VEPH1: variants seen among roughly 807,000 people sequenced by gnomAD.
The protein encoded by VEPH1 is ventricular zone expressed PH domain containing 1.
Under a neutral mutation model 85.2 loss-of-function variants are expected in VEPH1, and 80 were observed. The observed-to-expected ratio is 0.94, with a 90% CI of 0.78 to 1.13. The LOEUF (loss-of-function observed/expected upper bound fraction) is 1.13. Among genes scored for constraint, VEPH1 ranks in the 50% most tolerant of loss-of-function variants. The probability of loss-of-function intolerance (pLI) is 0.00; values close to 1 mark genes in which losing one functional copy is unlikely to be tolerated. For missense variants in VEPH1, 955 were observed against 980.5 expected (o/e 0.97, Z 0.35); for synonymous variants, 297 against 348.0 (o/e 0.85, Z 1.63).
At chr3:157,429,439 A>G (rs1389193062) in intron 4 of VEPH1, among the ~76,000 whole-genome samples, 2 of 152,240 alleles carry the variant, frequency 1.3e-5, no homozygotes, top group African/African-American at 2.4e-5. Flanking sequence ...CATTAAAGAA[A>G]GAAGGCCAGA....
chr3:157,304,831 T>C (rs1200287781), intron 11 of VEPH1, among the ~76,000 whole-genome samples: 2 of 152,140 alleles, frequency 1.3e-5, no homozygotes, highest in Non-Finnish European at 1.5e-5. Context: ...TTTTATTATA[T>C]TTCCTTTTGG....
chr3:157,263,702 A>G (rs973269155), intron 13 of VEPH1, among the ~76,000 whole-genome samples: 1 of 152,220 alleles, frequency 6.6e-6, no homozygotes, highest in Non-Finnish European at 1.5e-5. Flanking sequence ...ATGACTACAC[A>G]GTAGGTATCA....
At chr3:157,332,694 C>T (rs1487232122) in intron 9 of VEPH1, among the ~76,000 whole-genome samples, 2 of 152,166 alleles carry the variant, frequency 1.3e-5, no homozygotes, top group Non-Finnish European at 2.9e-5. Context: ...AATAGTGCAG[C>T]TATGAACATT....
At chr3:157,456,743 T>C (rs944912404) in intron 4 of VEPH1, among the ~76,000 whole-genome samples, 3 of 151,738 alleles carry the variant, frequency 2.0e-5, no homozygotes, top group African/African-American at 7.2e-5. Flanking sequence ...TGTGTTTTTG[T>C]ACCCGTACCA....
Position 157,364,531 on chromosome 3 carries a change from T to C in VEPH1, c.1128-19A>G. ...TTTTCTCCTAAAGGAATATAAATCATTGCATTAGATGCAGGTCATATATAC... is the reference window on the plus strand; with the variant it reads ...TTTTCTCCTAAAGGAATATAAATCACTGCATTAGATGCAGGTCATATATAC... On this transcript the variant is annotated intron_variant, in intron 7 of 13. Coordinates refer to ENST00000362010, the MANE Select transcript of VEPH1 (RefSeq NM_001167912.2). 6.2e-7 allele frequency: 1 copy of C among 1,603,628 alleles called. No homozygotes were observed. Among genetic ancestry groups the C allele is most frequent in the Non-Finnish European group, 8.5e-7 (1 of 1,171,578 alleles).
intron 4 of VEPH1, among the ~76,000 whole-genome samples, chr3:157,435,030 C>T (rs1316868884): frequency 3.3e-5 from 5 of 151,818 alleles, no homozygotes; most frequent in African/African-American, 4.8e-5. Flanking sequence ...CCTAATTTGC[C>T]ACTTAATCCA....
intron 2 of VEPH1, among the ~76,000 whole-genome samples, chr3:157,491,435 A>G (rs969225038): frequency 6.6e-6 from 1 of 152,150 alleles, no homozygotes; most frequent in Non-Finnish European, 1.5e-5. Context: ...CTTGAAATGA[A>G]AAGACAAAAC....
chr3:157,263,752 C>T (rs561831714), intron 13 of VEPH1, among the ~76,000 whole-genome samples: 1 of 152,100 alleles, frequency 6.6e-6, no homozygotes, highest in Non-Finnish European at 1.5e-5. Context: ...TAACAGAAGT[C>T]TTATTAATTA....
chr3:157,337,677 A>G (rs1723097467), intron 9 of VEPH1, among the ~76,000 whole-genome samples: 1 of 152,128 alleles, frequency 6.6e-6, no homozygotes, highest in Non-Finnish European at 1.5e-5. Context: ...CCTTCACTAG[A>G]ATTTTTTTCC....
intron 7 of VEPH1, among the ~76,000 whole-genome samples, chr3:157,380,665 A>C (rs1728658726): frequency 6.6e-6 from 1 of 152,070 alleles, no homozygotes. Flanking sequence ...CTATCTCTGT[A>C]TTTTCCATGC....
At chr3:157,267,348 T>G (rs1475224251) in intron 12 of VEPH1, among the ~76,000 whole-genome samples, 1 of 148,188 alleles carries the variant, frequency 6.7e-6, no homozygotes, top group Non-Finnish European at 1.5e-5. Flanking sequence ...CCATCCACCC[T>G]GGCGTCCCAA....
chr3:157,450,529 T>G (rs1444549696), intron 4 of VEPH1, among the ~76,000 whole-genome samples: 1 of 151,540 alleles, frequency 6.6e-6, no homozygotes, highest in Non-Finnish European at 1.5e-5. Flanking sequence ...ATTCCTGACT[T>G]TAAATGAATG....
intron 4 of VEPH1, chr3:157,442,342 C>T (rs747285699): frequency 6.5e-7 from 1 of 1,527,434 alleles, no homozygotes; most frequent in Non-Finnish European, 8.9e-7. Flanking sequence ...CTTTAATATT[C>T]TTCTTATTTT....
chr3:157,298,246 TGAA>T (rs1559934510), intron 11 of VEPH1, among the ~76,000 whole-genome samples: 1 of 152,202 alleles, frequency 6.6e-6, no homozygotes, highest in African/African-American at 2.4e-5. Context: ...TAGTTATAGA[TGAA>T]GAAATCAAGC....
intron 7 of VEPH1, among the ~76,000 whole-genome samples, chr3:157,379,850 A>T (rs1728564513): frequency 6.6e-6 from 1 of 152,216 alleles, no homozygotes; most frequent in Non-Finnish European, 1.5e-5. Context: ...CATTGGGAAG[A>T]TATTTAACCA....
At chr3:157,452,439 C>T (rs1480481486) in intron 4 of VEPH1, among the ~76,000 whole-genome samples, 3 of 152,090 alleles carry the variant, frequency 2.0e-5, no homozygotes, top group Non-Finnish European at 4.4e-5. Context: ...AAGTGGGAGG[C>T]CACAAGGGGA....
intron 6 of VEPH1, among the ~76,000 whole-genome samples, chr3:157,383,674 A>C (rs1175453757): frequency 6.6e-6 from 1 of 152,182 alleles, no homozygotes; most frequent in Non-Finnish European, 1.5e-5. Context: ...ACTAGGGCAC[A>C]GTGTCCTGTA....
Position 157,261,226 on chromosome 3 carries a change from C to T in VEPH1, c.2410G>A (p.Glu804Lys), listed in dbSNP as rs774232857. 24 of 1,613,710 alleles carry T rather than the reference C, an allele frequency of 1.5e-5. No individual in the cohort carries two copies. The highest frequency in any genetic ancestry group is 1.7e-5 in the Non-Finnish European group (20 of 1,179,798). ...TGGAGCCATTCTTCTGCATTCTTCT[C>T]ATCCTTGGCCTTAAAGACATAGGTT... ...NKTYVFKAKDEKNAEEWLQCI... is the reference protein window; with the variant it reads ...NKTYVFKAKDKKNAEEWLQCI... Residue 804 changes from glutamate (E) to lysine (K), a missense_variant, in exon 14 of 14, where the codon GAG (glutamate) becomes AAG (lysine). Transcript: ENST00000362010.
intron 9 of VEPH1, among the ~76,000 whole-genome samples, chr3:157,335,786 G>T (rs993349413): frequency 2.6e-5 from 4 of 152,016 alleles, no homozygotes; most frequent in Non-Finnish European, 5.9e-5. Context: ...TATTGGCTCC[G>T]AGTTAGTGAA....
Sources: gnomAD v4.1 joint callset for allele counts (sites outside exome capture counted in the v4.1 genomes callset) on GRCh38, gnomAD v4.1.1 for gene constraint, MANE v1.5 for transcripts, NCBI Gene and HGNC (gene_info 2026-07-23, HGNC 2026-07-21) for gene names.